AMPH: variants seen among roughly 807,000 people sequenced by gnomAD.
AMPH encodes the protein amphiphysin (Stiff-Mann syndrome with breast cancer 128kD autoantigen).
AMPH carries 49 observed loss-of-function variants against 99.1 expected under a neutral mutation model. The ratio of observed to expected loss-of-function variants is 0.49; its 90% CI spans 0.39 to 0.63. The LOEUF (loss-of-function observed/expected upper bound fraction) is 0.63, where lower values mean the gene tolerates loss of function less well. Among genes scored for constraint, AMPH ranks in the 20% least tolerant of loss-of-function variants. The pLI, the probability that AMPH is intolerant of heterozygous loss-of-function variation, is 0.00. For missense variants in AMPH, 759 were observed against 863.4 expected (o/e 0.88, Z 1.52); for synonymous variants, 314 against 317.3 (o/e 0.99, Z 0.11).
chr7:38,390,985 GA>G (rs1562721011), intron 19 of AMPH, among the ~76,000 whole-genome samples: 11 of 58,568 alleles, frequency 1.9e-4, no homozygotes, highest in Non-Finnish European at 2.8e-4. Flanking sequence ...GAGAGAGAGA[GA>G]GAGAGAGAGA....
chr7:38,447,253 A>G (rs1349126273), intron 11 of AMPH, among the ~76,000 whole-genome samples: 1 of 152,206 alleles, frequency 6.6e-6, no homozygotes, highest in Non-Finnish European at 1.5e-5. Context: ...TCCCAATCTC[A>G]GGTGATCCGC....
chr7:38,608,820 A>C (rs1793525073), intron 1 of AMPH, among the ~76,000 whole-genome samples: 1 of 152,156 alleles, frequency 6.6e-6, no homozygotes. Context: ...CATGTTCTTC[A>C]ACCTGTCCAT....
At chr7:38,430,999 A>C (rs748158245) in intron 13 of AMPH, among the ~76,000 whole-genome samples, 1 of 152,240 alleles carries the variant, frequency 6.6e-6, no homozygotes, top group Non-Finnish European at 1.5e-5. Context: ...TAAAAGAAGA[A>C]AACATACAAC....
chr7:38,585,601 C>G (rs1177667971), intron 1 of AMPH, among the ~76,000 whole-genome samples: 1 of 152,228 alleles, frequency 6.6e-6, no homozygotes, highest in African/African-American at 2.4e-5. Flanking sequence ...GTGCTTTATA[C>G]TAGGTTCTGC....
chr7:38,507,480 C>G (rs993518724), intron 2 of AMPH, among the ~76,000 whole-genome samples: 1 of 152,130 alleles, frequency 6.6e-6, no homozygotes, highest in African/African-American at 2.4e-5. Context: ...AATCCTCCAC[C>G]TACAATATGC....
chr7:38,403,771 G>A (rs1483611472), intron 17 of AMPH, among the ~76,000 whole-genome samples: 1 of 152,220 alleles, frequency 6.6e-6, no homozygotes, highest in Non-Finnish European at 1.5e-5. Flanking sequence ...GAAAGATCAT[G>A]GAAAAGAGGC....
At chr7:38,572,071 A>G (rs1792065389) in intron 1 of AMPH, among the ~76,000 whole-genome samples, 1 of 151,674 alleles carries the variant, frequency 6.6e-6, no homozygotes, top group Non-Finnish European at 1.5e-5. Context: ...ATGCCTGGCT[A>G]ATTTTGTATT....
intron 1 of AMPH, among the ~76,000 whole-genome samples, chr7:38,613,491 A>C (rs1011353385): frequency 6.6e-6 from 1 of 152,204 alleles, no homozygotes; most frequent in African/African-American, 2.4e-5. Context: ...TAAAGAGATC[A>C]ATCTTTTTAA....
At chr7:38,385,655 AAAC>A (rs1784331137) in intron 20 of AMPH, among the ~76,000 whole-genome samples, 1 of 152,238 alleles carries the variant, frequency 6.6e-6, no homozygotes, top group Non-Finnish European at 1.5e-5. Flanking sequence ...TATTCCTCAT[AAAC>A]ATTTGTCTGT....
chr7:38,544,992 A>C (rs1345994337), intron 1 of AMPH, among the ~76,000 whole-genome samples: 1 of 152,200 alleles, frequency 6.6e-6, no homozygotes, highest in Non-Finnish European at 1.5e-5. Flanking sequence ...TTAGAGCTAA[A>C]GGGATACTGT....
chr7:38,608,879 G>T (rs551798849), intron 1 of AMPH, among the ~76,000 whole-genome samples: 2 of 152,302 alleles, frequency 1.3e-5, no homozygotes, highest in East Asian at 3.9e-4. Flanking sequence ...AAGAATTAGG[G>T]CAAAGGAGAT....
Position 38,429,495 on chromosome 7 carries a change from CT to C in AMPH, c.1182+346del, listed in dbSNP as rs1384354669. Reference sequence around the variant, plus strand: ...AAATGCACCTATATCATTTTGAGATCTTTGAATTTCTTCGGCCAACCCACTG... The same window carrying C: ...AAATGCACCTATATCATTTTGAGATCTTGAATTTCTTCGGCCAACCCACTG... On this transcript the variant is annotated intron_variant, in intron 14 of 20. Coordinates refer to ENST00000356264, the MANE Select transcript of AMPH (RefSeq NM_001635.4). The C allele has an allele frequency of 2.2e-6, 3 of 1,337,020 alleles. No homozygotes were observed. In the African/African-American group the frequency reaches 4.4e-5, roughly 20 times the overall value. The allele number at this position is 1,337,020 out of a possible 1,614,324, so 82.8% of individuals were successfully genotyped here. A position where few individuals can be genotyped will look rare whatever the true frequency, so the allele number is the denominator to read the frequency against.
At chr7:38,397,281 G>A (rs950094775) in intron 17 of AMPH, among the ~76,000 whole-genome samples, 15 of 152,152 alleles carry the variant, frequency 9.9e-5, no homozygotes, top group Non-Finnish European at 1.9e-4. Context: ...TCTGGGAGAG[G>A]ATATCTTTCC....
intron 1 of AMPH, among the ~76,000 whole-genome samples, chr7:38,563,134 GATGA>G (rs10665097): frequency 0.02 from 3,066 of 150,536 alleles, 39 homozygotes; most frequent in Middle Eastern, 0.027. Context: ...AGCACTGAAT[GATGA>G]ATGAATGAAT....
At chr7:38,463,503 A>G (rs1787535277) in intron 9 of AMPH, among the ~76,000 whole-genome samples, 1 of 152,220 alleles carries the variant, frequency 6.6e-6, no homozygotes, top group South Asian at 2.1e-4. Context: ...TCTTCCAAAC[A>G]TAAGCTGAAT....
chr7:38,468,716 C>T (rs955809317), intron 7 of AMPH, among the ~76,000 whole-genome samples: 1 of 152,162 alleles, frequency 6.6e-6, no homozygotes, highest in Non-Finnish European at 1.5e-5. Context: ...GCCCTAGCAC[C>T]TAGTACACGG....
At chr7:38,529,782 T>C (rs1455484389) in intron 2 of AMPH, among the ~76,000 whole-genome samples, 1 of 152,242 alleles carries the variant, frequency 6.6e-6, no homozygotes, top group Non-Finnish European at 1.5e-5. Flanking sequence ...TATATTCACA[T>C]CATGGTTATC....
At chr7:38,492,332 C>T (rs2129020589) in intron 4 of AMPH, among the ~76,000 whole-genome samples, 1 of 152,282 alleles carries the variant, frequency 6.6e-6, no homozygotes, top group Admixed American at 6.5e-5. Flanking sequence ...GAGCTGATGG[C>T]CAGTGCTCAG....
intron 9 of AMPH, among the ~76,000 whole-genome samples, chr7:38,463,464 T>C (rs961773573): frequency 3.3e-5 from 5 of 152,226 alleles, no homozygotes; most frequent in African/African-American, 1.2e-4. Flanking sequence ...ATGCAAGCCC[T>C]CTGTTCTTTC....
Sources: allele counts gnomAD v4.1 joint callset (sites outside exome capture counted in the v4.1 genomes callset), GRCh38; gene constraint gnomAD v4.1.1; transcripts MANE v1.5; gene names NCBI Gene and HGNC (gene_info 2026-07-23, HGNC 2026-07-21).